PHYKPL: variants seen among roughly 807,000 people sequenced by gnomAD.
PHYKPL encodes 5-phosphohydroxy-L-lysine phospho-lyase.
A neutral mutation model predicts 51.3 loss-of-function variants in PHYKPL; 42 were observed. The ratio of observed to expected loss-of-function variants is 0.82; its 90% CI spans 0.64 to 1.06. The LOEUF (loss-of-function observed/expected upper bound fraction) is 1.06. Ranked by LOEUF, PHYKPL falls within the 50% of genes least tolerant of loss-of-function variation. The pLI, the probability that PHYKPL is intolerant of heterozygous loss-of-function variation, is 0.00. For missense variants in PHYKPL, 655 were observed against 586.6 expected (o/e 1.12, Z -1.20); for synonymous variants, 264 against 236.0 (o/e 1.12, Z -1.09).
At chr5:178,222,618 T>C in intron 7 of PHYKPL, 38 bp from the exon 8 acceptor site, 1 of 1,603,490 alleles carries the variant, frequency 6.2e-7, no homozygotes, top group Non-Finnish European at 8.5e-7. Context: ...GGGCTGTGGT[T>C]GAGAGGGATA....
intron 12 of PHYKPL, chr5:178,210,007 A>AGCC: frequency 1.5e-6 from 2 of 1,347,916 alleles, no homozygotes; most frequent in Non-Finnish European, 2.0e-6. Context: ...CCAGAACAGC[A>AGCC]GCCCCTTGGC....
At position 178,231,495 on chromosome 5, in the gene PHYKPL, C is replaced by G. The variant is rs201799075; in HGVS notation, c.88G>C (p.Asp30His). Reference protein sequence around the residue: ...SSSCRLFFPEDPVKIVRAQGQ... With the variant: ...SSSCRLFFPEHPVKIVRAQGQ... ...TGGGCCCGGACAATCTTAACAGGAT[C>G]CTCGGGAAAAAAGAGTCTGCAGGAA... is the stretch of plus-strand genomic sequence containing the variant. Residue 30 changes from aspartate (D) to histidine (H), a missense_variant, in exon 2 of 13, where the codon GAT becomes CAT. Asp to His is a moderately conservative substitution (Grantham distance 81, BLOSUM62 -1). Coordinates refer to ENST00000308158, the MANE Select transcript of PHYKPL (RefSeq NM_153373.4). 1.4e-4 allele frequency: 229 copies of G among 1,614,052 alleles called. No individual in the cohort carries two copies. The highest frequency in any genetic ancestry group is 2.0e-4 in the East Asian group (9 of 44,892).
upstream of PHYKPL, chr5:178,232,808 T>TCCGGGACGCGCC (rs2127510507): frequency 3.3e-6 from 1 of 303,572 alleles, no homozygotes; most frequent in Non-Finnish European, 5.6e-6. Context: ...CGTCTCTGGT[T>TCCGGGACGCGCC]CCGGGACGCG....
In PHYKPL at chr5:178,222,356, G is replaced by A. The variant is rs372306666; in HGVS notation, c.926C>T (p.Thr309Met). Residue 309 changes from threonine (T) to methionine (M), a missense_variant and splice_region_variant, in exon 8 of 13, where the codon ACG (threonine) becomes ATG (methionine). Physicochemically the swap from Thr to Met is moderately conservative, Grantham distance 81. Transcript: ENST00000308158. ...FEATGVEYFN[T>M]FGGSPVSCAV... ...CCTTGACTTAGAGCCATCACTCACC[G>A]TGTTGAAGTACTCAACGCCGGTGGC... 50 of 1,610,044 alleles carry A rather than the reference G, an allele frequency of 3.1e-5. No individual in the cohort carries two copies. Among genetic ancestry groups the A allele is most frequent in the Middle Eastern group, 1.6e-4 (1 of 6,072 alleles).
intron 9 of PHYKPL, 63 bp from the exon 10 acceptor site, chr5:178,214,948 G>C (rs1759449118): frequency 6.8e-7 from 1 of 1,479,774 alleles, no homozygotes. Flanking sequence ...GCTGGCCTCA[G>C]CCTCTGGGCT....
In PHYKPL at chr5:178,215,253, G is replaced by A. The variant is rs560603049; in HGVS notation, c.1082+23C>T. ...CACTGGGCCTTGGCAGGTGGGTGGT[G>A]ACTGCTGCCCCCAGAGCCTCACCTG... On this transcript the variant is annotated intron_variant, in intron 9 of 12. Transcript: ENST00000308158. The A allele has an allele frequency of 4.3e-6, 7 of 1,613,728 alleles. No individual in the cohort carries two copies. The South Asian group carries it at 6.6e-5, about 15-fold the overall frequency.
chr5:178,223,759 G>A (rs1352157174), intron 6 of PHYKPL: 2 of 317,190 alleles, frequency 6.3e-6, no homozygotes, highest in East Asian at 1.8e-4. Flanking sequence ...GCCCTCACCT[G>A]TCGCCAACAG....
intron 12 of PHYKPL, chr5:178,210,415 A>C: frequency 6.5e-7 from 1 of 1,536,840 alleles, no homozygotes; most frequent in Non-Finnish European, 8.9e-7. Context: ...TGAGCCTTAG[A>C]CTTCGGGGTC....
chr5:178,231,783 T>C lies in PHYKPL; in HGVS notation c.60-260A>G, dbSNP rs765184432. The C allele has an allele frequency of 3.5e-6, 5 of 1,444,658 alleles. No homozygotes were observed. In the Admixed American group the frequency reaches 6.3e-5, roughly 18 times the overall value. 89.5% of individuals were successfully genotyped at this position (1,444,658 alleles called of 1,614,324 possible). On this transcript the variant is annotated intron_variant, in intron 1 of 12. Coordinates refer to ENST00000308158, the MANE Select transcript of PHYKPL (RefSeq NM_153373.4). The stretch of plus-strand genomic sequence containing the variant: ...TCAGCCTCTGTGGCCTCCTTGCTCA[T>C]TTCTGCATGTGTCCGCGTCAGTCTC...
chr5:178,218,896 C>T (rs946558356), intron 8 of PHYKPL, among the ~76,000 whole-genome samples: 1 of 151,948 alleles, frequency 6.6e-6, no homozygotes, highest in Non-Finnish European at 1.5e-5. Context: ...TTACCAAAAC[C>T]CAAGGTATAA....
chr5:178,211,967 A>ATGTC lies in PHYKPL; in HGVS notation c.1304-1_1306dup (p.Met436ArgfsTer10). 1 of 1,614,166 alleles carries ATGTC rather than the reference A, an allele frequency of 6.2e-7. No homozygotes were observed. On this transcript the variant is annotated frameshift_variant, in exon 12 of 13. Coordinates refer to ENST00000308158, the MANE Select transcript of PHYKPL (RefSeq NM_153373.4). LOFTEE classifies it high-confidence loss of function. ...TTCACAACTTCTCACCTTCTCTTCC[A>ATGTC]TGTCTGAAAAAGACCACAAAGCAAT... is the stretch of plus-strand genomic sequence containing the variant.
rs545035494 is a variant in PHYKPL at position 178,230,049 on chromosome 5, C to T, written c.229G>A (p.Val77Met). 3.7e-6 allele frequency: 6 copies of T among 1,614,206 alleles called. No individual in the cohort carries two copies. Among genetic ancestry groups the T allele is most frequent in the East Asian group, 2.2e-5 (1 of 44,884 alleles). Residue 77 changes from valine to methionine, a missense_variant, in exon 3 of 13, where the codon GTG becomes ATG. Val to Met is a conservative substitution (Grantham distance 21). Coordinates refer to ENST00000308158, the MANE Select transcript of PHYKPL (RefSeq NM_153373.4). ...AGGTACCGGCTGTTGGTGTTGAGCA[C>T]CTGGTTCTGCTCATGTGCTGCTTGG... ...VVQAAHEQNQVLNTNSRYLHD... is the reference protein window; with the variant it reads ...VVQAAHEQNQMLNTNSRYLHD...
chr5:178,231,516 AG>A lies in PHYKPL; in HGVS notation c.66del (p.Cys23AlafsTer88), dbSNP rs1763399147. 1 of 1,614,204 alleles carries A rather than the reference AG, an allele frequency of 6.2e-7. No individual in the cohort carries two copies. The highest frequency in any genetic ancestry group is 2.2e-5 in the East Asian group (1 of 44,882). On this transcript the variant is annotated frameshift_variant, in exon 2 of 13. Coordinates refer to ENST00000308158, the MANE Select transcript of PHYKPL (RefSeq NM_153373.4). LOFTEE classifies it high-confidence loss of function. ...LALRQRLISS[S>X]CRLFFPEDPV... Reference sequence around the variant, plus strand: ...GGATCCTCGGGAAAAAAGAGTCTGCAGGAAGAGCTGTGGGGACAGGCAAGGA... The same window carrying A: ...GGATCCTCGGGAAAAAAGAGTCTGCAGAAGAGCTGTGGGGACAGGCAAGGA...
intron 3 of PHYKPL, chr5:178,228,351 G>T: frequency 1.7e-6 from 1 of 585,256 alleles, no homozygotes; most frequent in Non-Finnish European, 3.0e-6. Context: ...CACTTCCGGA[G>T]AGTGGTAACT....
intron 12 of PHYKPL, 184 bp downstream of exon 12, chr5:178,211,706 C>T: frequency 1.7e-6 from 1 of 589,654 alleles, no homozygotes; most frequent in East Asian, 2.8e-5. Context: ...ATAGCTGTTC[C>T]TGCCATCAAG....
intron 12 of PHYKPL, chr5:178,210,300 C>T (rs200124507): frequency 3.4e-5 from 55 of 1,613,672 alleles, no homozygotes; most frequent in African/African-American, 2.3e-4. Flanking sequence ...AGGCCCCATC[C>T]GCTCACCCCT....
chr5:178,223,852 G>A (rs1338966020), intron 6 of PHYKPL: 2 of 216,288 alleles, frequency 9.2e-6, no homozygotes, highest in South Asian at 5.9e-5. Context: ...TACTGCCCCC[G>A]TCAGGCCTCC....
At chr5:178,207,347 C>G (rs756323711), downstream of PHYKPL, 55 of 1,181,376 alleles carry the variant, frequency 4.7e-5, 1 homozygote, top group Non-Finnish European at 6.4e-5. Context: ...TACTATTTCT[C>G]TGAAGCGTAT....
chr5:178,212,930 G>A (rs1758916514), intron 11 of PHYKPL, 43 bp downstream of exon 11: 2 of 1,606,972 alleles, frequency 1.2e-6, no homozygotes, highest in Non-Finnish European at 1.7e-6. Context: ...CTGGCTTCAG[G>A]CTGAGTTCTA....
Sources: allele counts gnomAD v4.1 joint callset (sites outside exome capture counted in the v4.1 genomes callset), GRCh38; gene constraint gnomAD v4.1.1; transcripts MANE v1.5; gene names NCBI Gene and HGNC (gene_info 2026-07-23, HGNC 2026-07-21).